Variants in ERBB4 observed in about 807,000 individuals in gnomAD.
The protein encoded by ERBB4 is erb-b2 receptor tyrosine kinase 4, also known as receptor tyrosine-protein kinase erbB-4.
Under a neutral mutation model 158.0 loss-of-function variants are expected in ERBB4, and 42 were observed. The observed-to-expected ratio is 0.27, with a 90% CI of 0.21 to 0.34. ERBB4 has a LOEUF of 0.34. Ranked by LOEUF, ERBB4 falls within the 10% of genes least tolerant of loss-of-function variation. The pLI, the probability that ERBB4 is intolerant of heterozygous loss-of-function variation, is 1.00. For synonymous variants in ERBB4, 583 were observed against 558.7 expected, an observed-to-expected ratio of 1.04 and a Z score of -0.61; for missense variants, 1,333 against 1,624.1, an observed-to-expected ratio of 0.82 and a Z score of 3.08.
chr2:212,056,832 C>G (rs2077590456), intron 2 of ERBB4, among the ~76,000 whole-genome samples: 2 of 152,092 alleles, frequency 1.3e-5, no homozygotes, highest in African/African-American at 4.8e-5. Flanking sequence ...ACATGCCAAA[C>G]TGTAAAGACC....
chr2:211,485,660 T>G (rs2065184537), intron 20 of ERBB4, among the ~76,000 whole-genome samples: 1 of 146,756 alleles, frequency 6.8e-6, no homozygotes, highest in Admixed American at 6.9e-5. Flanking sequence ...TTTAAAGGGA[T>G]TATGCTTTGT....
chr2:212,440,304 G>A (rs1415356435), intron 1 of ERBB4, among the ~76,000 whole-genome samples: 1 of 152,154 alleles, frequency 6.6e-6, no homozygotes, highest in East Asian at 1.9e-4. Context: ...TACAAAGCAG[G>A]CAGAAAAATG....
At chr2:212,056,860 A>C (rs1366636101) in intron 2 of ERBB4, among the ~76,000 whole-genome samples, 1 of 152,228 alleles carries the variant, frequency 6.6e-6, no homozygotes, top group African/African-American at 2.4e-5. Flanking sequence ...CTAGGAAGAA[A>C]TGGCATCAAC....
chr2:212,157,967 T>C (rs1024262519), intron 1 of ERBB4, among the ~76,000 whole-genome samples: 23 of 152,054 alleles, frequency 1.5e-4, no homozygotes, highest in African/African-American at 5.6e-4. Flanking sequence ...ATGTTGCCTA[T>C]ACAACTGAGA....
At chr2:212,192,589 G>C (rs1018385909) in intron 1 of ERBB4, among the ~76,000 whole-genome samples, 2 of 152,056 alleles carry the variant, frequency 1.3e-5, no homozygotes, top group African/African-American at 2.4e-5. Flanking sequence ...TAGAAAAATA[G>C]AACAATAATG....
intron 2 of ERBB4, among the ~76,000 whole-genome samples, chr2:212,045,700 T>C (rs1048204329): frequency 6.6e-6 from 1 of 152,260 alleles, no homozygotes; most frequent in African/African-American, 2.4e-5. Context: ...TAGATGAACC[T>C]GAAAAGGCTT....
chr2:212,223,753 T>C (rs1354640789), intron 1 of ERBB4, among the ~76,000 whole-genome samples: 1 of 151,726 alleles, frequency 6.6e-6, no homozygotes, highest in South Asian at 2.1e-4. Flanking sequence ...TAATATTACA[T>C]TGGTAAATCA....
intron 1 of ERBB4, among the ~76,000 whole-genome samples, chr2:212,300,375 T>C (rs970596365): frequency 5.9e-5 from 9 of 151,554 alleles, no homozygotes; most frequent in Non-Finnish European, 1.2e-4. Context: ...CAGTCAAATA[T>C]AAATAGGACT....
chr2:212,076,459 C>A (rs16847650), intron 2 of ERBB4, among the ~76,000 whole-genome samples: 2 of 151,786 alleles, frequency 1.3e-5, no homozygotes, highest in African/African-American at 2.4e-5. Flanking sequence ...AATAACTAAA[C>A]GAGGCTACAC....
At chr2:211,442,691 A>G (rs556807153) in intron 20 of ERBB4, among the ~76,000 whole-genome samples, 24 of 147,864 alleles carry the variant, frequency 1.6e-4, no homozygotes, top group Non-Finnish European at 3.1e-4. Context: ...GTATATATGT[A>G]TACGTGTGTA....
At chr2:211,576,391 G>C (rs990155806) in intron 19 of ERBB4, among the ~76,000 whole-genome samples, 1 of 152,194 alleles carries the variant, frequency 6.6e-6, no homozygotes, top group Non-Finnish European at 1.5e-5. Context: ...CAATACTTTA[G>C]AAATGGCATG....
chr2:211,742,306 C>G (rs554464290), intron 5 of ERBB4, among the ~76,000 whole-genome samples: 1 of 152,110 alleles, frequency 6.6e-6, no homozygotes, highest in African/African-American at 2.4e-5. Flanking sequence ...TATATGTGTA[C>G]GCATGTGTGT....
intron 1 of ERBB4, among the ~76,000 whole-genome samples, chr2:212,221,836 C>A (rs2083299894): frequency 1.3e-5 from 2 of 151,426 alleles, no homozygotes; most frequent in Admixed American, 1.3e-4. Context: ...TATAATTATA[C>A]CTCACCTATG....
intron 1 of ERBB4, among the ~76,000 whole-genome samples, chr2:212,298,783 T>C (rs1051316313): frequency 1.3e-5 from 2 of 151,792 alleles, no homozygotes; most frequent in Non-Finnish European, 1.5e-5. Flanking sequence ...AATGATTTTT[T>C]TGTTGAGACA....
intron 20 of ERBB4, among the ~76,000 whole-genome samples, chr2:211,443,501 C>A (rs1400911890): frequency 6.6e-6 from 1 of 152,026 alleles, no homozygotes; most frequent in Non-Finnish European, 1.5e-5. Flanking sequence ...GAAAGCTGAC[C>A]TCTTCTTTTG....
At position 211,596,142 on chromosome 2, in the gene ERBB4, T is replaced by C. The variant is rs78256974; in HGVS notation, c.2301+23035A>G. Reference sequence around the variant, plus strand: ...AGTTTCAGCTTTCTCCAAATTAAACTACATGTTTAATTCAATGTTATATAA... The same window carrying C: ...AGTTTCAGCTTTCTCCAAATTAAACCACATGTTTAATTCAATGTTATATAA... On this transcript the variant is annotated intron_variant, in intron 19 of 27. Transcript: ENST00000342788. 3.8e-3 allele frequency among the ~76,000 whole-genome samples: 579 copies of C among 152,246 alleles called. 3 individuals carry two copies. Among genetic ancestry groups the C allele is most frequent in the African/African-American group, 0.012 (508 of 41,552 alleles).
At chr2:211,741,412 ATATCTG>A (rs1192421426) in intron 5 of ERBB4, among the ~76,000 whole-genome samples, 1 of 151,154 alleles carries the variant, frequency 6.6e-6, no homozygotes, top group Non-Finnish European at 1.5e-5. Context: ...CTCTCAATCT[ATATCTG>A]TATCTGTATA....
intron 2 of ERBB4, among the ~76,000 whole-genome samples, chr2:212,101,357 A>ATATATATATACATATATG (rs972047661): frequency 1.3e-5 from 2 of 149,226 alleles, no homozygotes; most frequent in African/African-American, 4.9e-5. Context: ...ATACATATAT[A>ATATATATATACATATATG]TATATATATG....
intron 1 of ERBB4, among the ~76,000 whole-genome samples, chr2:212,327,584 C>T (rs1003075909): frequency 6.6e-6 from 1 of 151,936 alleles, no homozygotes. Context: ...ACCAAAGTTA[C>T]GTCATTGTTT....
Sources: gnomAD v4.1 joint callset for allele counts (sites outside exome capture counted in the v4.1 genomes callset) on GRCh38, gnomAD v4.1.1 for gene constraint, MANE v1.5 for transcripts, NCBI Gene and HGNC (gene_info 2026-07-23, HGNC 2026-07-21) for gene names.